Variants in CKAP2 observed in about 807,000 individuals in gnomAD.
CKAP2 encodes cytoskeleton associated protein 2.
Under a neutral mutation model 58.4 loss-of-function variants are expected in CKAP2, and 46 were observed. The ratio of observed to expected loss-of-function variants is 0.79; its 90% CI spans 0.62 to 1.01. CKAP2 has a LOEUF of 1.01. Among genes scored for constraint, CKAP2 ranks in the 50% least tolerant of loss-of-function variants. The pLI is 0.00. For missense variants in CKAP2, 809 were observed against 796.4 expected (o/e 1.02, Z -0.19); for synonymous variants, 293 against 280.9 (o/e 1.04, Z -0.43).
intron 3 of CKAP2, 36 bp downstream of exon 3, chr13:52,461,010 T>G: frequency 1.2e-6 from 2 of 1,604,112 alleles, no homozygotes; most frequent in Non-Finnish European, 1.7e-6. Flanking sequence ...AACTGTCCCC[T>G]TTTCCATTTT....
Position 52,460,941 on chromosome 13 carries a change from A to C in CKAP2, c.198A>C (p.Glu66Asp). 6.2e-7 allele frequency: 1 copy of C among 1,613,586 alleles called. No homozygotes were observed. Among genetic ancestry groups the C allele is most frequent in the Non-Finnish European group, 8.5e-7 (1 of 1,179,942 alleles). Residue 66 changes from glutamate (E) to aspartate (D), a missense_variant, in exon 3 of 9, where the codon GAA becomes GAC. By Grantham distance (45) the Glu-to-Asp change is conservative. Around this residue, in one of 3 missense-constraint regions of CKAP2, gnomAD observed 523 missense variants for 492.4 expected, o/e 1.06. Coordinates refer to ENST00000258607, the MANE Select transcript of CKAP2 (RefSeq NM_018204.5). ...TGACATCTGAGGACCAAGTTCAAGA[A>C]GGGACTAAAGTGCTGAAACTTAAAA... is the stretch of plus-strand genomic sequence containing the variant. ...RVVTSEDQVQ[E>D]GTKVLKLKTK... is the part of the protein sequence containing the mutation.
Position 52,461,527 on chromosome 13 carries a change from A to T in CKAP2, c.701A>T (p.Asn234Ile). 1 of 1,614,206 alleles carries T rather than the reference A, an allele frequency of 6.2e-7. No individual in the cohort carries two copies. The highest frequency in any genetic ancestry group is 1.1e-5 in the South Asian group (1 of 91,078). Residue 234 changes from asparagine (N) to isoleucine (I), a missense_variant, in exon 4 of 9, where the codon AAT (asparagine) becomes ATT (isoleucine). By Grantham distance (149) the Asn-to-Ile change is moderately radical. Coordinates refer to ENST00000258607, the MANE Select transcript of CKAP2 (RefSeq NM_018204.5). ...ACAGTGAAAAGTAATAGATCCTCCA[A>T]TATGACTGCCACTACTAAATTTGTG... ...SVTVKSNRSS[N>I]MTATTKFVST...
intron 1 of CKAP2, chr13:52,456,038 A>G (rs2137828010): frequency 3.8e-6 from 4 of 1,039,276 alleles, no homozygotes; most frequent in Non-Finnish European, 3.5e-6. Flanking sequence ...GGGTCGCATC[A>G]TGTGTTATTT....
chr13:52,455,777 T>C, intron 1 of CKAP2, 151 bp downstream of exon 1: 1 of 991,402 alleles, frequency 1.0e-6, no homozygotes, highest in Non-Finnish European at 1.4e-6. Flanking sequence ...CCCTGCCTCA[T>C]TCTTGGCCTT....
chr13:52,456,978 C>A (rs1054813407), intron 2 of CKAP2, among the ~76,000 whole-genome samples: 1 of 152,046 alleles, frequency 6.6e-6, no homozygotes, highest in Non-Finnish European at 1.5e-5. Flanking sequence ...CTGCAGCCTC[C>A]ACCTTCTGGG....
At chr13:52,464,980 TA>T (rs1958643058) in intron 5 of CKAP2, among the ~76,000 whole-genome samples, 2 of 152,190 alleles carry the variant, frequency 1.3e-5, no homozygotes, top group Admixed American at 1.3e-4. Flanking sequence ...AACTGTGACA[TA>T]AACCATTACA....
At chr13:52,461,035 CT>C (rs1958565749) in intron 3 of CKAP2, 22 bp from the exon 4 acceptor site, 1 of 1,601,976 alleles carries the variant, frequency 6.2e-7, no homozygotes, top group Non-Finnish European at 8.5e-7. Context: ...TTCCTAAACA[CT>C]TTTCTTAAAT....
At chr13:52,457,055 C>T (rs1958497485) in intron 2 of CKAP2, among the ~76,000 whole-genome samples, 1 of 152,070 alleles carries the variant, frequency 6.6e-6, no homozygotes, top group Admixed American at 6.6e-5. Context: ...TGCCACCATT[C>T]CCTGCTAATT....
At chr13:52,467,392 C>G (rs971346277) in intron 6 of CKAP2, among the ~76,000 whole-genome samples, 16 of 152,078 alleles carry the variant, frequency 1.1e-4, no homozygotes, top group Non-Finnish European at 2.4e-4. Flanking sequence ...AGGAGCAAGA[C>G]TTAAGTAAAA....
chr13:52,465,862 G>C (rs964389940), intron 6 of CKAP2: 1 of 366,576 alleles, frequency 2.7e-6, no homozygotes, highest in Non-Finnish European at 5.3e-6. Flanking sequence ...TCTTGGTTTT[G>C]TGTGAGAACT....
chr13:52,456,497 T>G (rs1270404828), intron 1 of CKAP2, 26 bp from the exon 2 acceptor site: 4 of 1,525,272 alleles, frequency 2.6e-6, no homozygotes, highest in Non-Finnish European at 3.6e-6. Context: ...TAATATTGAC[T>G]TGTAGCTCTT....
chr13:52,464,754 GTA>G (rs1958639899), intron 5 of CKAP2, among the ~76,000 whole-genome samples: 1 of 152,050 alleles, frequency 6.6e-6, no homozygotes, highest in Non-Finnish European at 1.5e-5. Flanking sequence ...CCACTAGTGT[GTA>G]AGATCCACAG....
intron 2 of CKAP2, 146 bp downstream of exon 2, chr13:52,456,753 G>A (rs1958489505): frequency 1.6e-6 from 1 of 627,064 alleles, no homozygotes; most frequent in Non-Finnish European, 2.8e-6. Context: ...ACGTCTTTTT[G>A]TGGTACAACG....
chr13:52,466,001 A>G (rs954636382), intron 6 of CKAP2, among the ~76,000 whole-genome samples: 2 of 151,914 alleles, frequency 1.3e-5, no homozygotes, highest in African/African-American at 4.8e-5. Context: ...GCACACATAT[A>G]TATACACACA....
At chr13:52,467,879 G>A (rs1413479509) in intron 6 of CKAP2, among the ~76,000 whole-genome samples, 4 of 149,692 alleles carry the variant, frequency 2.7e-5, no homozygotes, top group Non-Finnish European at 5.9e-5. Flanking sequence ...GCATGATCTC[G>A]GCTCACTGCA....
intron 8 of CKAP2, 88 bp from the exon 9 acceptor site, chr13:52,474,807 A>C: frequency 7.8e-7 from 1 of 1,277,012 alleles, no homozygotes; most frequent in Non-Finnish European, 1.1e-6. Flanking sequence ...TATAACATAC[A>C]AGCTATATAG....
intron 7 of CKAP2, 100 bp downstream of exon 7, chr13:52,468,447 G>A (rs950279076): frequency 6.0e-6 from 4 of 666,512 alleles, no homozygotes; most frequent in African/African-American, 3.7e-5. Flanking sequence ...TGTGCAGGAT[G>A]TGCAGGTTTG....
chr13:52,469,600 T>TA lies in CKAP2; in HGVS notation c.1546+1253_1546+1254insA, dbSNP rs568648231. The stretch of plus-strand genomic sequence containing the variant: ...ATATTTATTTATTTATTTATTTATT[T>TA]TTTTTTTGAGACGGAGTCTCGCTCT... On this transcript the variant is annotated intron_variant, in intron 7 of 8. Coordinates refer to ENST00000258607, the MANE Select transcript of CKAP2 (RefSeq NM_018204.5). Among the ~76,000 whole-genome samples the TA allele has an allele frequency of 1.5e-3, 210 of 135,982 alleles. 5 individuals carry two copies. The highest frequency in any genetic ancestry group is 5.3e-3 in the African/African-American group (201 of 37,620). The allele number at this position is 135,982 out of a possible 152,430, so 89.2% of individuals were successfully genotyped here. A position where few individuals can be genotyped will look rare whatever the true frequency, so the allele number is the denominator to read the frequency against.
chr13:52,472,060 C>T (rs1241411040), intron 7 of CKAP2, among the ~76,000 whole-genome samples: 1 of 152,150 alleles, frequency 6.6e-6, no homozygotes, highest in African/African-American at 2.4e-5. Flanking sequence ...CCAAGACAAT[C>T]TTCTACTTTT....
Sources: gnomAD v4.1 joint callset for allele counts (sites outside exome capture counted in the v4.1 genomes callset) on GRCh38, gnomAD v4.1.1 for gene constraint, gnomAD v4.1.1 regional missense constraint, MANE v1.5 for transcripts, NCBI Gene and HGNC (gene_info 2026-07-23, HGNC 2026-07-21) for gene names.